CSMD1: variants seen among roughly 807,000 people sequenced by gnomAD.
The protein encoded by CSMD1 is CUB and sushi domain-containing protein 1.
CSMD1 carries 213 observed loss-of-function variants against 417.5 expected under a neutral mutation model. The observed-to-expected ratio is 0.51, with a 90% CI of 0.46 to 0.57. The LOEUF (loss-of-function observed/expected upper bound fraction) is 0.57, where lower values mean the gene tolerates loss of function less well. Among genes scored for constraint, CSMD1 ranks in the 20% least tolerant of loss-of-function variants. The pLI is 0.00. For synonymous variants in CSMD1, 2,862 were observed against 1,736.8 expected (o/e 1.65, Z -16.11); for missense variants, 6,923 against 4,529.7 (o/e 1.53, Z -15.17).
chr8:4,416,809 A>G (rs935093987), intron 3 of CSMD1, among the ~76,000 whole-genome samples: 14 of 152,102 alleles, frequency 9.2e-5, no homozygotes, highest in Non-Finnish European at 1.9e-4. Flanking sequence ...CAGCTTGATG[A>G]CAAAGTAATA....
chr8:4,579,105 C>A (rs978639214), intron 2 of CSMD1, among the ~76,000 whole-genome samples: 1 of 151,676 alleles, frequency 6.6e-6, no homozygotes, highest in African/African-American at 2.4e-5. Context: ...AGAGTAAGGA[C>A]AATAAAACAT....
chr8:3,876,602 T>C (rs1215509177), intron 5 of CSMD1, among the ~76,000 whole-genome samples: 1 of 152,154 alleles, frequency 6.6e-6, no homozygotes, highest in African/African-American at 2.4e-5. Context: ...CTTCATGGTA[T>C]TGTTTTTGTT....
chr8:3,990,363 T>C (rs979407202), intron 5 of CSMD1, among the ~76,000 whole-genome samples: 7 of 152,166 alleles, frequency 4.6e-5, no homozygotes, highest in African/African-American at 1.4e-4. Context: ...ACCAGAACTG[T>C]AGAGTTCAAC....
intron 5 of CSMD1, among the ~76,000 whole-genome samples, chr8:3,976,798 C>G (rs921309138): frequency 6.6e-6 from 1 of 152,168 alleles, no homozygotes; most frequent in African/African-American, 2.4e-5. Flanking sequence ...TGCTCAAGGT[C>G]GCATGCCTGT....
intron 1 of CSMD1, among the ~76,000 whole-genome samples, chr8:4,753,353 G>A (rs1046698429): frequency 1.6e-4 from 24 of 151,292 alleles, no homozygotes; most frequent in African/African-American, 5.6e-4. Context: ...CTTTCATTTT[G>A]TCGATATTGT....
intron 2 of CSMD1, among the ~76,000 whole-genome samples, chr8:4,464,107 G>C (rs981441847): frequency 6.6e-6 from 1 of 152,002 alleles, no homozygotes; most frequent in African/African-American, 2.4e-5. Context: ...AAAAGAATGA[G>C]ATAGAGCTCA....
chr8:4,233,601 C>A (rs1466290746), intron 3 of CSMD1, among the ~76,000 whole-genome samples: 2 of 152,090 alleles, frequency 1.3e-5, no homozygotes, highest in African/African-American at 4.8e-5. Flanking sequence ...GGAAATGATC[C>A]CCAACCAGGA....
At chr8:3,726,184 T>C (rs1802484641) in intron 6 of CSMD1, among the ~76,000 whole-genome samples, 1 of 152,092 alleles carries the variant, frequency 6.6e-6, no homozygotes, top group Non-Finnish European at 1.5e-5. Context: ...GAATCAGCTC[T>C]TGGAACTCAG....
chr8:3,462,810 C>T (rs530705046), intron 12 of CSMD1, among the ~76,000 whole-genome samples: 116 of 152,298 alleles, frequency 7.6e-4, no homozygotes, highest in African/African-American at 2.7e-3. Flanking sequence ...ATCTAAGAAC[C>T]TGATGTGGTC....
chr8:3,953,014 A>G (rs1313260758), intron 5 of CSMD1, among the ~76,000 whole-genome samples: 1 of 152,186 alleles, frequency 6.6e-6, no homozygotes, highest in Non-Finnish European at 1.5e-5. Context: ...TTAAAAAAAT[A>G]CATGAGAAGG....
intron 5 of CSMD1, among the ~76,000 whole-genome samples, chr8:3,788,664 A>G (rs1178388942): frequency 6.6e-6 from 1 of 152,202 alleles, no homozygotes; most frequent in Non-Finnish European, 1.5e-5. Context: ...AATGTAGACA[A>G]AAATGTAAGT....
chr8:3,994,682 C>A (rs1382139171), intron 5 of CSMD1, among the ~76,000 whole-genome samples: 2 of 152,032 alleles, frequency 1.3e-5, no homozygotes, highest in Non-Finnish European at 1.5e-5. Context: ...AAATTACGAA[C>A]CCAACGTATG....
At chr8:2,941,964 T>A (rs530940650) in intron 69 of CSMD1, among the ~76,000 whole-genome samples, 2 of 152,314 alleles carry the variant, frequency 1.3e-5, no homozygotes, top group Admixed American at 6.5e-5. Context: ...GAAAAAAACA[T>A]ATTATTTCTC....
intron 3 of CSMD1, among the ~76,000 whole-genome samples, chr8:4,154,322 A>C (rs1796717190): frequency 6.6e-6 from 1 of 152,246 alleles, no homozygotes; most frequent in South Asian, 2.1e-4. Flanking sequence ...ATTTAAGTTG[A>C]AAGGATGTAG....
At chr8:4,462,877 G>A (rs989991323) in intron 2 of CSMD1, among the ~76,000 whole-genome samples, 1 of 152,018 alleles carries the variant, frequency 6.6e-6, no homozygotes, top group Admixed American at 6.5e-5. Context: ...AGAAAATATA[G>A]GAGTAAATCT....
chr8:4,510,197 T>C (rs1802740068), intron 2 of CSMD1, among the ~76,000 whole-genome samples: 1 of 151,916 alleles, frequency 6.6e-6, no homozygotes, highest in Admixed American at 6.6e-5. Context: ...CCTTCCGCCA[T>C]GATAGTGAGG....
intron 7 of CSMD1, among the ~76,000 whole-genome samples, chr8:3,698,691 ATAT>A (rs1387581193): frequency 1.5e-4 from 23 of 152,334 alleles, no homozygotes; most frequent in Admixed American, 4.6e-4. Flanking sequence ...TTCCTTAATA[ATAT>A]TATTGTGAAG....
intron 8 of CSMD1, among the ~76,000 whole-genome samples, chr8:3,614,353 C>G (rs1307864336): frequency 6.6e-6 from 1 of 151,312 alleles, no homozygotes; most frequent in East Asian, 1.9e-4. Flanking sequence ...TACACCGCCC[C>G]CCGAGCCAGA....
chr8:4,279,031 C>A (rs1237071385), intron 3 of CSMD1, among the ~76,000 whole-genome samples: 1 of 152,126 alleles, frequency 6.6e-6, no homozygotes, highest in African/African-American at 2.4e-5. Context: ...GAGCTATGGA[C>A]ACATTACTTT....
Sources: gnomAD v4.1 joint callset for allele counts (sites outside exome capture counted in the v4.1 genomes callset) on GRCh38, gnomAD v4.1.1 for gene constraint, MANE v1.5 for transcripts, NCBI Gene and HGNC (gene_info 2026-07-23, HGNC 2026-07-21) for gene names.